ZFHX3: variants seen among roughly 807,000 people sequenced by gnomAD.
ZFHX3 encodes the protein zinc finger homeobox protein 3.
A neutral mutation model predicts 279.1 loss-of-function variants in ZFHX3; 42 were observed. The observed-to-expected ratio is 0.15, with a 90% confidence interval of 0.12 to 0.19. ZFHX3 has a LOEUF of 0.19. Ranked by LOEUF, ZFHX3 falls within the 10% of genes least tolerant of loss-of-function variation. ZFHX3 has a pLI of 1.00. For synonymous variants in ZFHX3, 2,293 were observed against 1,957.8 expected (o/e 1.17, Z -4.52); for missense variants, 4,981 against 4,754.0 (o/e 1.05, Z -1.40).
chr16:73,823,133 A>ATTTGAG (rs1960797276), intron 1 of ZFHX3, among the ~76,000 whole-genome samples: 1 of 152,206 alleles, frequency 6.6e-6, no homozygotes, highest in Admixed American at 6.5e-5. Context: ...GCCAAGGTCT[A>ATTTGAG]CGACGTATAT....
intron 5 of ZFHX3, among the ~76,000 whole-genome samples, chr16:73,182,305 A>T (rs1443550832): frequency 6.6e-6 from 1 of 152,070 alleles, no homozygotes; most frequent in Non-Finnish European, 1.5e-5. Flanking sequence ...AAAAATACAA[A>T]ACTTAGCTGA....
rs142927283 is a variant in ZFHX3, at chr16:73,703,391, T to G, written c.-1607-23151A>C. ...ATAACAACCCACCTAAAGAAAAAAA[T>G]GAGTCATTTTTAAAAGGATATATAT... On this transcript the variant is annotated intron_variant, in intron 1 of 17. Transcript: ENST00000641206. 3.9e-4 allele frequency among the ~76,000 whole-genome samples: 59 copies of G among 151,576 alleles called. No homozygotes were observed. In the East Asian group the frequency reaches 0.011, roughly 28 times the overall value.
chr16:73,686,413 T>C (rs763289919), intron 1 of ZFHX3, among the ~76,000 whole-genome samples: 16 of 152,304 alleles, frequency 1.1e-4, no homozygotes, highest in Non-Finnish European at 2.2e-4. Flanking sequence ...TTTCTAACTA[T>C]GAGTGCTTTT....
At chr16:73,655,273 A>G (rs2052711801) in intron 2 of ZFHX3, among the ~76,000 whole-genome samples, 1 of 152,200 alleles carries the variant, frequency 6.6e-6, no homozygotes, top group African/African-American at 2.4e-5. Flanking sequence ...TCTACTGAGC[A>G]TTGTTCTAGA....
intron 3 of ZFHX3, among the ~76,000 whole-genome samples, chr16:73,449,153 G>C (rs2018241912): frequency 1.3e-5 from 2 of 152,158 alleles, no homozygotes; most frequent in South Asian, 4.1e-4. Context: ...GTGAGACAAT[G>C]GACAAAGGTC....
At chr16:73,659,959 T>C (rs1218017336) in intron 2 of ZFHX3, among the ~76,000 whole-genome samples, 1 of 152,186 alleles carries the variant, frequency 6.6e-6, no homozygotes, top group Non-Finnish European at 1.5e-5. Flanking sequence ...GGAAGGTGTA[T>C]CATTTCCTAA....
chr16:73,642,235 G>T (rs939283216), intron 2 of ZFHX3, among the ~76,000 whole-genome samples: 2 of 152,158 alleles, frequency 1.3e-5, no homozygotes, highest in Non-Finnish European at 2.9e-5. Flanking sequence ...CTCTACGATG[G>T]ATTCTTTGCC....
chr16:73,294,539 G>T (rs2014855750), intron 4 of ZFHX3, among the ~76,000 whole-genome samples: 2 of 152,224 alleles, frequency 1.3e-5, no homozygotes, highest in African/African-American at 4.8e-5. Context: ...GGCTGGGCGA[G>T]GTGGCTCACG....
chr16:73,696,763 C>T (rs2053201390), intron 1 of ZFHX3, among the ~76,000 whole-genome samples: 1 of 152,168 alleles, frequency 6.6e-6, no homozygotes, highest in Admixed American at 6.5e-5. Context: ...CACAAAAATC[C>T]TTCCTTAACT....
chr16:73,112,930 T>C (rs1164685268), intron 7 of ZFHX3, among the ~76,000 whole-genome samples: 2 of 152,012 alleles, frequency 1.3e-5, no homozygotes, highest in African/African-American at 2.4e-5. Flanking sequence ...GGAGTTATCC[T>C]GCACACTTTG....
intron 2 of ZFHX3, among the ~76,000 whole-genome samples, chr16:73,564,041 C>A (rs1348579564): frequency 1.3e-5 from 2 of 152,198 alleles, no homozygotes; most frequent in African/African-American, 2.4e-5. Context: ...AGGACACACA[C>A]TAGGGATAGA....
chr16:73,753,824 A>C lies in ZFHX3; in HGVS notation c.-1607-73584T>G, dbSNP rs118121664. ...AGAAAAACTCACAAAACAAGGTTAC[A>C]TATTGATAGGCTGACAAAATATTAT... On this transcript the variant is annotated intron_variant, in intron 1 of 17. Coordinates refer to the ZFHX3 transcript ENST00000641206. Among the ~76,000 whole-genome samples the C allele has an allele frequency of 5.3e-5, 8 of 152,320 alleles. No individual in the cohort carries two copies. In the East Asian group the frequency reaches 1.5e-3, roughly 29 times the overall value.
chr16:73,355,266 T>A (rs1000585495), intron 3 of ZFHX3, among the ~76,000 whole-genome samples: 1 of 152,224 alleles, frequency 6.6e-6, no homozygotes, highest in African/African-American at 2.4e-5. Flanking sequence ...TCTTCTTATG[T>A]ATGTTTTAAT....
chr16:73,104,420 AG>A (rs2144790873), intron 7 of ZFHX3, among the ~76,000 whole-genome samples: 2 of 152,120 alleles, frequency 1.3e-5, no homozygotes, highest in South Asian at 4.2e-4. Context: ...TGGTAGAGAC[AG>A]GGTTTCACCA....
intron 4 of ZFHX3, among the ~76,000 whole-genome samples, chr16:73,305,494 C>A (rs537006936): frequency 1.3e-5 from 2 of 151,984 alleles, no homozygotes; most frequent in South Asian, 2.1e-4. Context: ...AAGAAAGACA[C>A]CCCTGCAGCT....
chr16:73,480,579 C>G (rs1036263632), intron 2 of ZFHX3, among the ~76,000 whole-genome samples: 1 of 152,162 alleles, frequency 6.6e-6, no homozygotes, highest in South Asian at 2.1e-4. Context: ...GCAGAATGTG[C>G]CTGGAATGTT....
chr16:72,796,005 G>T lies in ZFHX3; in HGVS notation c.6677C>A (p.Ser2226Tyr). Residue 2226 changes from serine to tyrosine, a missense_variant, in exon 9 of 10, where the codon TCC becomes TAC. Transcript: ENST00000268489. ...ITSLEELKID[S>Y]RPPSPEPPKQ... The stretch of plus-strand genomic sequence containing the variant: ...TGGAGGTTCCGGCGAAGGGGGCCGG[G>T]AGTCAATCTTGAGCTCCTCCAGGCT... The T allele has an allele frequency of 6.2e-7, 1 of 1,614,150 alleles. No individual in the cohort carries two copies. The highest frequency in any genetic ancestry group is 1.1e-5 in the South Asian group (1 of 91,076).
chr16:72,963,092 C>T (rs1469569788), intron 1 of ZFHX3, among the ~76,000 whole-genome samples: 1 of 152,140 alleles, frequency 6.6e-6, no homozygotes, highest in Non-Finnish European at 1.5e-5. Context: ...CACGGTTTCC[C>T]GTAAAATCAA....
chr16:72,914,906 G>A (rs1407186982), intron 3 of ZFHX3, among the ~76,000 whole-genome samples: 1 of 152,152 alleles, frequency 6.6e-6, no homozygotes, highest in Non-Finnish European at 1.5e-5. Context: ...CAGGAGAATT[G>A]CTTGAATCTG....
Sources: gnomAD v4.1 joint callset for allele counts (sites outside exome capture counted in the v4.1 genomes callset) on GRCh38, gnomAD v4.1.1 for gene constraint, MANE v1.5 for transcripts, NCBI Gene and HGNC (gene_info 2026-07-23, HGNC 2026-07-21) for gene names.